ADCY2: variants seen among roughly 807,000 people sequenced by gnomAD.
The protein encoded by ADCY2 is adenylate cyclase 2, also known as adenylate cyclase type 2.
ADCY2 carries 31 observed loss-of-function variants against 125.2 expected under a neutral mutation model. The observed-to-expected ratio is 0.25, with a 90% confidence interval of 0.19 to 0.33. The LOEUF (loss-of-function observed/expected upper bound fraction) is 0.33. Ranked by LOEUF, ADCY2 falls within the 10% of genes least tolerant of loss-of-function variation. The pLI is 1.00. For missense variants in ADCY2, 904 were observed against 1,418.2 expected, an observed-to-expected ratio of 0.64 and a Z score of 5.82; for synonymous variants, 512 against 548.4, an observed-to-expected ratio of 0.93 and a Z score of 0.93.
intron 2 of ADCY2, among the ~76,000 whole-genome samples, chr5:7,509,872 T>G (rs1057426076): frequency 3.3e-5 from 5 of 152,238 alleles, no homozygotes; most frequent in Admixed American, 3.3e-4. Context: ...TAGTGTAAAG[T>G]GAATTTCCAA....
chr5:7,503,705 C>T (rs1743686574), intron 2 of ADCY2, among the ~76,000 whole-genome samples: 1 of 152,210 alleles, frequency 6.6e-6, no homozygotes, highest in Non-Finnish European at 1.5e-5. Context: ...AGGAAGAAAG[C>T]ATGGCCCACG....
chr5:7,483,416 T>TAA (rs567638671), intron 2 of ADCY2, among the ~76,000 whole-genome samples: 1 of 145,596 alleles, frequency 6.9e-6, no homozygotes, highest in Non-Finnish European at 1.5e-5. Context: ...CTGCAGTACA[T>TAA]AAAAAAAAAA....
chr5:7,579,173 G>A (rs1183322123), intron 3 of ADCY2, among the ~76,000 whole-genome samples: 1 of 152,088 alleles, frequency 6.6e-6, no homozygotes, highest in Non-Finnish European at 1.5e-5. Context: ...AAAACCACCT[G>A]AAGGCACTGG....
intron 2 of ADCY2, among the ~76,000 whole-genome samples, chr5:7,479,692 C>CT (rs1445121536): frequency 2.4e-4 from 36 of 151,548 alleles, no homozygotes; most frequent in Non-Finnish European, 7.4e-5. Flanking sequence ...CTTATTTATT[C>CT]TTTAAGTAAT....
intron 3 of ADCY2, among the ~76,000 whole-genome samples, chr5:7,527,282 G>A (rs993338518): frequency 6.6e-6 from 1 of 152,292 alleles, no homozygotes; most frequent in African/African-American, 2.4e-5. Flanking sequence ...AAGCTTGTGC[G>A]TGTTTAGTGC....
At chr5:7,403,977 A>ACACACACAC (rs1156535290) in intron 1 of ADCY2, among the ~76,000 whole-genome samples, 3 of 122,410 alleles carry the variant, frequency 2.5e-5, no homozygotes, top group African/African-American at 9.0e-5. Context: ...CACACACACA[A>ACACACACAC]AATTACTAAA....
At chr5:7,407,223 A>G (rs555789682) in intron 1 of ADCY2, among the ~76,000 whole-genome samples, 108 of 152,300 alleles carry the variant, frequency 7.1e-4, no homozygotes, top group Admixed American at 1.1e-3. Flanking sequence ...CTCCACAGTT[A>G]CTCAGAAGTC....
intron 16 of ADCY2, among the ~76,000 whole-genome samples, chr5:7,763,163 G>A (rs1457291259): frequency 1.3e-5 from 2 of 151,666 alleles, no homozygotes; most frequent in Admixed American, 1.3e-4. Context: ...GCGGGATCTC[G>A]GCTCACTGCA....
chr5:7,607,608 C>T (rs1413699132), intron 3 of ADCY2, among the ~76,000 whole-genome samples: 6 of 152,188 alleles, frequency 3.9e-5, no homozygotes, highest in Admixed American at 3.9e-4. Flanking sequence ...AACAACAAAT[C>T]AGAATACGTA....
chr5:7,637,031 A>G (rs984005455), intron 4 of ADCY2, among the ~76,000 whole-genome samples: 13 of 152,244 alleles, frequency 8.5e-5, no homozygotes, highest in African/African-American at 2.9e-4. Flanking sequence ...ACACATCTTA[A>G]TAATGCATCT....
rs561359357 is a variant in ADCY2 at position 7,699,081 on chromosome 5, A to ATTTTTTTTT, written c.1109+733_1109+741dup. On this transcript the variant is annotated intron_variant, in intron 7 of 24. Transcript: ENST00000338316. ...CCTGAGTCAGGAAACAACAGTAAGC[A>ATTTTTTTTT]TTTTTTTTTTTTTTTTTTTTTTTTT... is the stretch of plus-strand genomic sequence containing the variant. Among the ~76,000 whole-genome samples, 206 of 37,966 alleles carry ATTTTTTTTT rather than the reference A, an allele frequency of 5.4e-3. 55 individuals are homozygous for ATTTTTTTTT. Among genetic ancestry groups the ATTTTTTTTT allele is most frequent in the East Asian group, 0.011 (8 of 726 alleles). The allele number at this position is 37,966 out of a possible 152,430, so 24.9% of individuals were successfully genotyped here.
chr5:7,826,175 G>C (rs749536462), intron 24 of ADCY2, among the ~76,000 whole-genome samples: 8 of 152,006 alleles, frequency 5.3e-5, no homozygotes, highest in African/African-American at 9.7e-5. Context: ...TGACAGACGC[G>C]ACCATTGGCA....
At chr5:7,825,876 C>T (rs1029677045) in intron 24 of ADCY2, among the ~76,000 whole-genome samples, 1 of 152,212 alleles carries the variant, frequency 6.6e-6, no homozygotes, top group African/African-American at 2.4e-5. Context: ...AGTGCATCTC[C>T]GCTGAGGAGG....
chr5:7,807,680 T>C (rs1033664137), intron 22 of ADCY2, among the ~76,000 whole-genome samples: 1 of 152,184 alleles, frequency 6.6e-6, no homozygotes, highest in Non-Finnish European at 1.5e-5. Context: ...ATCTTGACCA[T>C]TGGGCCAGAC....
At chr5:7,663,754 T>G (rs1579291645) in intron 4 of ADCY2, among the ~76,000 whole-genome samples, 1 of 151,970 alleles carries the variant, frequency 6.6e-6, no homozygotes, top group African/African-American at 2.4e-5. Flanking sequence ...AGGCTTGGGG[T>G]CGGGATTCTA....
At chr5:7,682,005 C>A (rs1434235376) in intron 4 of ADCY2, among the ~76,000 whole-genome samples, 3 of 152,206 alleles carry the variant, frequency 2.0e-5, no homozygotes, top group African/African-American at 7.2e-5. Context: ...CTAATCCCAA[C>A]TCCTCCACCT....
At chr5:7,814,777 C>G (rs775080221) in intron 22 of ADCY2, among the ~76,000 whole-genome samples, 1 of 152,172 alleles carries the variant, frequency 6.6e-6, no homozygotes, top group Admixed American at 6.5e-5. Flanking sequence ...GAAAGTGACC[C>G]AAGGTCAGCA....
chr5:7,537,671 C>G (rs1351803863), intron 3 of ADCY2, among the ~76,000 whole-genome samples: 3 of 152,186 alleles, frequency 2.0e-5, no homozygotes, highest in Non-Finnish European at 2.9e-5. Context: ...GGTGCTCATT[C>G]TAAAACTCAA....
chr5:7,508,716 G>A (rs1403484717), intron 2 of ADCY2, among the ~76,000 whole-genome samples: 35 of 152,298 alleles, frequency 2.3e-4, no homozygotes, highest in Non-Finnish European at 1.5e-5. Context: ...GGCCGGGTGA[G>A]GAAGGAGAAG....
Sources: gnomAD v4.1 joint callset for allele counts (sites outside exome capture counted in the v4.1 genomes callset) on GRCh38, gnomAD v4.1.1 for gene constraint, MANE v1.5 for transcripts, NCBI Gene and HGNC (gene_info 2026-07-23, HGNC 2026-07-21) for gene names.